FGF12: variants seen among roughly 807,000 people sequenced by gnomAD.
FGF12 encodes the protein fibroblast growth factor 12B.
FGF12 carries 14 observed loss-of-function variants against 23.6 expected under a neutral mutation model. The ratio of observed to expected loss-of-function variants is 0.59; its 90% CI spans 0.39 to 0.93. The LOEUF (loss-of-function observed/expected upper bound fraction) is 0.93, where lower values mean the gene tolerates loss of function less well. FGF12 is among the 40% of genes least tolerant of loss of function. The probability of loss-of-function intolerance (pLI) is 0.00; values close to 1 mark genes in which losing one functional copy is unlikely to be tolerated. For synonymous variants in FGF12, 62 were observed against 77.3 expected (o/e 0.80, Z 1.04); for missense variants, 175 against 217.8 (o/e 0.80, Z 1.24).
At chr3:192,300,482 C>T (rs547349531) in intron 4 of FGF12, among the ~76,000 whole-genome samples, 1 of 151,994 alleles carries the variant, frequency 6.6e-6, no homozygotes, top group African/African-American at 2.4e-5. Context: ...CTTCCAAATG[C>T]CTGGGGCCAG....
intron 2 of FGF12, among the ~76,000 whole-genome samples, chr3:192,644,465 G>A (rs1045410933): frequency 6.6e-6 from 1 of 151,854 alleles, no homozygotes; most frequent in Non-Finnish European, 1.5e-5. Flanking sequence ...TTGCATGATG[G>A]TTTCATCATG....
intron 4 of FGF12, among the ~76,000 whole-genome samples, chr3:192,195,720 GTA>G (rs955192645): frequency 3.9e-5 from 6 of 152,064 alleles, no homozygotes; most frequent in African/African-American, 1.4e-4. Flanking sequence ...ATGTGTGTGT[GTA>G]TATATATGTA....
intron 2 of FGF12, among the ~76,000 whole-genome samples, chr3:192,670,203 CTT>C (rs1717059155): frequency 2.0e-5 from 3 of 152,016 alleles, no homozygotes. Flanking sequence ...TTAAAAGAGA[CTT>C]ATAAAATATA....
rs972564557 is a variant in FGF12, at chr3:192,514,668, A to G, written c.14-154130T>C. ...GCTGGGGAAAGAACATTTTCTCACC[A>G]CTTGGGCTGTCGCTGGACCTCAGGC... On this transcript the variant is annotated intron_variant, in intron 2 of 5. Coordinates refer to ENST00000445105, the MANE Select transcript of FGF12 (RefSeq NM_004113.6). The surrounding 1 kb of genome is among the most constrained non-coding windows in gnomAD (Gnocchi z 4.9). The G allele has an allele frequency of 3.0e-6, 3 of 984,450 alleles. No individual in the cohort carries two copies. The highest frequency in any genetic ancestry group is 3.6e-6 in the Non-Finnish European group (3 of 829,206). The allele number at this position is 984,450 out of a possible 1,614,324, so 61.0% of individuals were successfully genotyped here.
chr3:192,416,511 T>C (rs1042659564), intron 2 of FGF12, among the ~76,000 whole-genome samples: 1 of 152,078 alleles, frequency 6.6e-6, no homozygotes, highest in African/African-American at 2.4e-5. Flanking sequence ...AATGAATAAA[T>C]GAATGAACAG....
intron 2 of FGF12, among the ~76,000 whole-genome samples, chr3:192,702,508 A>AAAGGCCAGTCC (rs149287234): frequency 0.04 from 6,152 of 152,264 alleles, 433 homozygotes; most frequent in African/African-American, 0.14. Context: ...CCAAATGTAA[A>AAAGGCCAGTCC]AAGGCCAGGC....
intron 4 of FGF12, among the ~76,000 whole-genome samples, chr3:192,309,541 C>CTAAGGTG (rs1460797290): frequency 6.6e-6 from 1 of 151,976 alleles, no homozygotes; most frequent in Non-Finnish European, 1.5e-5. Flanking sequence ...CAAACTCAAC[C>CTAAGGTG]TAAGGTGGGA....
chr3:192,319,287 A>G (rs1716403760), intron 4 of FGF12, among the ~76,000 whole-genome samples: 2 of 152,166 alleles, frequency 1.3e-5, no homozygotes, highest in Admixed American at 1.3e-4. Flanking sequence ...AGACTAAAAC[A>G]TGAACCTATC....
chr3:192,375,966 A>G (rs1432927120), intron 2 of FGF12, among the ~76,000 whole-genome samples: 4 of 152,098 alleles, frequency 2.6e-5, no homozygotes, highest in Non-Finnish European at 5.9e-5. Context: ...TCATAATGTG[A>G]TTTTATAACA....
In FGF12 at chr3:192,143,925, G is replaced by A. The variant is rs899873368; in HGVS notation, c.*84C>T. 3.5e-6 allele frequency: 3 copies of A among 855,514 alleles called. No homozygotes were observed. Among genetic ancestry groups the A allele is most frequent in the Non-Finnish European group, 5.9e-6 (3 of 510,928 alleles). 53.0% of individuals were successfully genotyped at this position (855,514 alleles called of 1,614,324 possible). A position where few individuals can be genotyped will look rare whatever the true frequency, so the allele number is the denominator to read the frequency against. On this transcript the variant is annotated 3_prime_UTR_variant, in exon 6 of 6. Coordinates refer to ENST00000445105, the MANE Select transcript of FGF12 (RefSeq NM_004113.6). Reference sequence around the variant, plus strand: ...TTGTCATTTTATTTTCCTCTCCTTGGGTGGATTTACTGGAAGGAAATGGGT... The same window carrying A: ...TTGTCATTTTATTTTCCTCTCCTTGAGTGGATTTACTGGAAGGAAATGGGT...
intron 2 of FGF12, among the ~76,000 whole-genome samples, chr3:192,485,759 G>T (rs1652350621): frequency 6.6e-6 from 1 of 152,042 alleles, no homozygotes; most frequent in Non-Finnish European, 1.5e-5. Context: ...TATGTGAACA[G>T]ATTCTCTGTA....
chr3:192,642,770 C>A (rs1318751357), intron 2 of FGF12, among the ~76,000 whole-genome samples: 1 of 152,148 alleles, frequency 6.6e-6, no homozygotes, highest in Non-Finnish European at 1.5e-5. Context: ...ATAGCCCTTG[C>A]CATGAAATCC....
chr3:192,553,712 A>G (rs923794865), intron 2 of FGF12, among the ~76,000 whole-genome samples: 1 of 152,156 alleles, frequency 6.6e-6, no homozygotes, highest in African/African-American at 2.4e-5. Context: ...CCCGGCTCAG[A>G]GTTGTACAAT....
intron 2 of FGF12, among the ~76,000 whole-genome samples, chr3:192,685,635 A>G (rs1717705115): frequency 6.6e-6 from 1 of 152,106 alleles, no homozygotes; most frequent in Admixed American, 6.5e-5. Context: ...AGCAGGTACC[A>G]GCACGGAGGA....
rs561589001 is a variant in FGF12 at position 192,363,724 on chromosome 3, G to A, written c.14-3186C>T. ...CCTTCTCCATGAAGACTCAGCTATC[G>A]TAAGTGAGAATCTCCTTTACGATGA... On this transcript the variant is annotated intron_variant, in intron 2 of 5. Transcript: ENST00000445105. Among the ~76,000 whole-genome samples the A allele has an allele frequency of 8.5e-5, 13 of 152,180 alleles. No homozygotes were observed. The East Asian group carries it at 1.5e-3, about 18-fold the overall frequency.
At chr3:192,355,126 A>G (rs1397548406) in intron 3 of FGF12, among the ~76,000 whole-genome samples, 1 of 152,258 alleles carries the variant, frequency 6.6e-6, no homozygotes, top group Non-Finnish European at 1.5e-5. Context: ...AAGAAAGCAC[A>G]TACCCTTGAC....
At chr3:192,534,323 A>C (rs58496729) in intron 2 of FGF12, among the ~76,000 whole-genome samples, 41,060 of 152,038 alleles carry the variant, frequency 0.27, 5,809 homozygotes, top group Middle Eastern at 0.42. Flanking sequence ...TTATATTTTA[A>C]ACTTCTGATT....
At chr3:192,535,589 C>A (rs1373545208) in intron 2 of FGF12, among the ~76,000 whole-genome samples, 2 of 152,124 alleles carry the variant, frequency 1.3e-5, no homozygotes, top group African/African-American at 4.8e-5. Flanking sequence ...GGCCAAGAGA[C>A]TTTTTCAGAG....
At chr3:192,239,228 T>C (rs551729998) in intron 4 of FGF12, among the ~76,000 whole-genome samples, 1 of 152,338 alleles carries the variant, frequency 6.6e-6, no homozygotes, top group Non-Finnish European at 1.5e-5. Flanking sequence ...GTAGCATCCA[T>C]GCACTTTAAT....
Sources: gnomAD v4.1 joint callset for allele counts (sites outside exome capture counted in the v4.1 genomes callset) on GRCh38, gnomAD v4.1.1 for gene constraint, Gnocchi (gnomAD v3.1) non-coding constraint, MANE v1.5 for transcripts, NCBI Gene and HGNC (gene_info 2026-07-23, HGNC 2026-07-21) for gene names.